Variants in CALCR observed in about 807,000 individuals in gnomAD.
CALCR encodes the protein calcitonin receptor.
CALCR carries 47 observed loss-of-function variants against 59.5 expected under a neutral mutation model. The observed-to-expected ratio is 0.79, with a 90% CI of 0.63 to 1.01. The LOEUF (loss-of-function observed/expected upper bound fraction) is 1.01, where lower values mean the gene tolerates loss of function less well. Among genes scored for constraint, CALCR ranks in the 50% least tolerant of loss-of-function variants. CALCR has a pLI of 0.00. For synonymous variants in CALCR, 213 were observed against 211.3 expected, an observed-to-expected ratio of 1.01 and a Z score of -0.07; for missense variants, 566 against 597.1, an observed-to-expected ratio of 0.95 and a Z score of 0.54.
intron 2 of CALCR, among the ~76,000 whole-genome samples, chr7:93,525,177 G>A (rs1022015974): frequency 6.6e-6 from 1 of 152,040 alleles, no homozygotes; most frequent in African/African-American, 2.4e-5. Flanking sequence ...TAATATTTTA[G>A]AAGTCACTTA....
chr7:93,472,349 A>G, intron 6 of CALCR, 26 bp downstream of exon 6: 2 of 1,284,886 alleles, frequency 1.6e-6, no homozygotes, highest in South Asian at 2.4e-5. Flanking sequence ...TTCTCACTCA[A>G]TACTGAAACG....
At chr7:93,526,147 A>G (rs1016430345) in intron 2 of CALCR, among the ~76,000 whole-genome samples, 7 of 152,170 alleles carry the variant, frequency 4.6e-5, no homozygotes, top group Non-Finnish European at 7.4e-5. Flanking sequence ...TAAGATATAG[A>G]AAGGGGCTTT....
chr7:93,517,149 T>C (rs961999380), intron 2 of CALCR, among the ~76,000 whole-genome samples: 1 of 151,766 alleles, frequency 6.6e-6, no homozygotes, highest in African/African-American at 2.4e-5. Flanking sequence ...CATCTTAATA[T>C]AGGGAGTGAG....
chr7:93,479,267 T>C (rs573589559), intron 4 of CALCR, 87 bp downstream of exon 4: 2 of 1,331,542 alleles, frequency 1.5e-6, no homozygotes, highest in Admixed American at 2.4e-5. Context: ...CATATTAAAT[T>C]AAAATTATTC....
chr7:93,460,933 T>C lies in CALCR; in HGVS notation c.536A>G (p.Gln179Arg), dbSNP rs1037085409. The change falls in exon 8 of 14, where the codon CAA (glutamine) becomes CGA (arginine). Residue 179 changes from glutamine to arginine, a missense_variant. Gln to Arg is a conservative substitution (Grantham distance 43). Coordinates refer to ENST00000426151, the MANE Select transcript of CALCR (RefSeq NM_001742.4). ...IFVFFRSLGC[Q>R]RVTLHKNMFL... ...CATGTTCTTGTGCAGGGTTACCCTT[T>C]GGCAGCCAAGGCTCCTGGAAGAAAA... The C allele has an allele frequency of 2.5e-6, 4 of 1,609,766 alleles. No homozygotes were observed. In the Admixed American group the frequency reaches 5.1e-5, roughly 20 times the overall value.
chr7:93,481,219 T>C (rs1800788736), intron 3 of CALCR, among the ~76,000 whole-genome samples: 1 of 151,894 alleles, frequency 6.6e-6, no homozygotes, highest in Admixed American at 6.6e-5. Flanking sequence ...TAACATAATA[T>C]ATATGATAAA....
intron 2 of CALCR, among the ~76,000 whole-genome samples, chr7:93,549,708 G>A (rs558324840): frequency 1.3e-5 from 2 of 152,240 alleles, no homozygotes; most frequent in South Asian, 2.1e-4. Flanking sequence ...AGGGCTTGAC[G>A]AAGACCTTAT....
In CALCR at chr7:93,438,053, T is replaced by C. The variant is rs1799817549; in HGVS notation, c.930+7A>G. ...TACTAATATTGCAATAAAAAACTAA[T>C]TCTCACCACAAGTGCCGCCATGACA... is the stretch of plus-strand genomic sequence containing the variant. On this transcript the variant is annotated splice_region_variant and intron_variant, in intron 11 of 13. Transcript: ENST00000426151. 1 of 1,612,076 alleles carries C rather than the reference T, an allele frequency of 6.2e-7. No homozygotes were observed.
chr7:93,549,267 A>G (rs1789385512), intron 2 of CALCR, among the ~76,000 whole-genome samples: 1 of 151,068 alleles, frequency 6.6e-6, no homozygotes, highest in South Asian at 2.1e-4. Context: ...ATGAGAAAGT[A>G]TTCTTAGACC....
At chr7:93,543,862 AT>A (rs1016589065) in intron 2 of CALCR, among the ~76,000 whole-genome samples, 1 of 151,830 alleles carries the variant, frequency 6.6e-6, no homozygotes, top group Admixed American at 6.6e-5. Flanking sequence ...GTTTAATTGT[AT>A]TTTTTCTTCT....
intron 2 of CALCR, among the ~76,000 whole-genome samples, chr7:93,569,163 A>G (rs1789941843): frequency 6.6e-6 from 1 of 151,882 alleles, no homozygotes; most frequent in South Asian, 2.1e-4. Context: ...TGTCCAGTTA[A>G]TCTGTATCCA....
intron 8 of CALCR, among the ~76,000 whole-genome samples, chr7:93,445,078 T>C (rs1272239916): frequency 6.6e-6 from 1 of 152,072 alleles, no homozygotes; most frequent in Non-Finnish European, 1.5e-5. Context: ...AAGGCAGATA[T>C]GGCATTGTCA....
At chr7:93,508,238 A>C (rs967912911) in intron 2 of CALCR, among the ~76,000 whole-genome samples, 1 of 152,166 alleles carries the variant, frequency 6.6e-6, no homozygotes, top group Non-Finnish European at 1.5e-5. Flanking sequence ...TATTTTACCA[A>C]ACAAAAACAA....
chr7:93,460,194 T>C (rs1800286579), intron 8 of CALCR, among the ~76,000 whole-genome samples: 1 of 152,078 alleles, frequency 6.6e-6, no homozygotes, highest in South Asian at 2.1e-4. Flanking sequence ...CCTAGTATCA[T>C]CTATGTTCAC....
intron 2 of CALCR, chr7:93,559,688 C>T (rs1024377447): frequency 2.6e-5 from 4 of 151,560 alleles, no homozygotes; most frequent in Non-Finnish European, 5.9e-5. Context: ...AGAAATATTT[C>T]GGTCTTTGAC....
At chr7:93,439,473 C>T (rs181258361) in intron 9 of CALCR, among the ~76,000 whole-genome samples, 1 of 152,160 alleles carries the variant, frequency 6.6e-6, no homozygotes, top group African/African-American at 2.4e-5. Context: ...CCCACCTCAT[C>T]ATTTTGTAGA....
In CALCR at chr7:93,477,589, G is replaced by A. The variant is rs766525181; in HGVS notation, c.285C>T (p.Cys95=). ...TPAGVLSYQF[C]PDYFPDFDPS... ...GATCAAAATCCGGAAAATAATCTGG[G>A]CAGAACTGATAGGACAATACTCCAG... The change falls in exon 5 of 14, where the codon TGC becomes TGT. Residue 95 remains cysteine, a synonymous_variant. Coordinates refer to ENST00000426151, the MANE Select transcript of CALCR (RefSeq NM_001742.4). The A allele has an allele frequency of 3.1e-6, 5 of 1,611,004 alleles. No homozygotes were observed. In the South Asian group the frequency reaches 5.5e-5, roughly 18 times the overall value.
chr7:93,477,294 A>T (rs1455232399), intron 5 of CALCR, among the ~76,000 whole-genome samples: 3 of 151,884 alleles, frequency 2.0e-5, no homozygotes, highest in Non-Finnish European at 2.9e-5. Flanking sequence ...AAATAAAACT[A>T]TTCACAGAGT....
At chr7:93,453,056 A>G (rs920486843) in intron 8 of CALCR, among the ~76,000 whole-genome samples, 1 of 152,014 alleles carries the variant, frequency 6.6e-6, no homozygotes, top group Non-Finnish European at 1.5e-5. Context: ...TTTTATGCTT[A>G]GTCCCTTTTA....
Sources: gnomAD v4.1 joint callset for allele counts (sites outside exome capture counted in the v4.1 genomes callset) on GRCh38, gnomAD v4.1.1 for gene constraint, MANE v1.5 for transcripts, NCBI Gene and HGNC (gene_info 2026-07-23, HGNC 2026-07-21) for gene names.